Variants in PDLIM3 observed in about 807,000 individuals in gnomAD.
PDLIM3 encodes PDZ and LIM domain protein 3.
Under a neutral mutation model 37.3 loss-of-function variants are expected in PDLIM3, and 36 were observed. The ratio of observed to expected loss-of-function variants is 0.97; its 90% CI spans 0.74 to 1.28. The LOEUF (loss-of-function observed/expected upper bound fraction) is 1.28, where lower values mean the gene tolerates loss of function less well. Among genes scored for constraint, PDLIM3 ranks in the 50% most tolerant of loss-of-function variants. The probability of loss-of-function intolerance (pLI) is 0.00; values close to 1 mark genes in which losing one functional copy is unlikely to be tolerated. For missense variants in PDLIM3, 454 were observed against 485.0 expected (o/e 0.94, Z 0.60); for synonymous variants, 174 against 182.4 (o/e 0.95, Z 0.37).
intron 3 of PDLIM3, among the ~76,000 whole-genome samples, chr4:185,522,426 G>A (rs2153337665): frequency 1.5e-5 from 1 of 66,720 alleles, no homozygotes; most frequent in African/African-American, 2.7e-5. Flanking sequence ...GAAATCAGAG[G>A]CTTATGGAGA....
At chr4:185,533,770 CAT>C (rs550429273) in intron 1 of PDLIM3, among the ~76,000 whole-genome samples, 138 of 152,208 alleles carry the variant, frequency 9.1e-4, no homozygotes, top group African/African-American at 3.2e-3. Flanking sequence ...AAATTTCAAG[CAT>C]ATGATTAATT....
rs1275414218 is a variant in PDLIM3, at chr4:185,506,613, G to A, written c.702C>T (p.Tyr234=). ...TASVPPESDV[Y]RMLHDNRNEP... Reference sequence around the variant, plus strand: ...CATTCCGATTGTCGTGGAGCATCCGGTACACGTCCGACTCGGGGGGCACCG... The same window carrying A: ...CATTCCGATTGTCGTGGAGCATCCGATACACGTCCGACTCGGGGGGCACCG... Residue 234 remains tyrosine, a synonymous_variant, in exon 6 of 8, where the codon TAC becomes TAT. Coordinates refer to ENST00000284767, the MANE Select transcript of PDLIM3 (RefSeq NM_014476.6). 2.5e-6 allele frequency: 4 copies of A among 1,610,102 alleles called. No individual in the cohort carries two copies. Among genetic ancestry groups the A allele is most frequent in the Non-Finnish European group, 2.5e-6 (3 of 1,179,962 alleles).
rs776361335 is a variant in PDLIM3, at chr4:185,508,394, C to T, written c.567G>A (p.Gln189=). The change falls in exon 5 of 8, where the codon CAG becomes CAA. Residue 189 remains glutamine (Q), a synonymous_variant. Coordinates refer to ENST00000284767, the MANE Select transcript of PDLIM3 (RefSeq NM_014476.6). ...ELPGVKIVHA[Q]FNTPMQLYSD... is the part of the protein sequence containing the mutation. ...AGTACAACTGCATAGGTGTATTAAA[C>T]TGAGCATGTACAATCTTCACACCAG... The T allele has an allele frequency of 9.3e-6, 15 of 1,614,000 alleles. No homozygotes were observed. The Middle Eastern group carries it at 4.9e-4, about 53-fold the overall frequency.
At chr4:185,528,056 C>T (rs1289296167) in intron 1 of PDLIM3, among the ~76,000 whole-genome samples, 1 of 122,508 alleles carries the variant, frequency 8.2e-6, no homozygotes, top group Non-Finnish European at 1.7e-5. Flanking sequence ...CTCCTCCTCT[C>T]ACCAAAAACA....
chr4:185,532,387 T>C (rs1008169744), intron 1 of PDLIM3, among the ~76,000 whole-genome samples: 3 of 152,100 alleles, frequency 2.0e-5, no homozygotes, highest in Non-Finnish European at 4.4e-5. Context: ...GGTACAGGCA[T>C]GACATAAGGA....
rs1554037426 is a variant in PDLIM3 at position 185,504,056 on chromosome 4, C to CA, written c.905+418_905+419insT. Among the ~76,000 whole-genome samples, 3 of 151,696 alleles carry CA rather than the reference C, an allele frequency of 2.0e-5. No individual in the cohort carries two copies. The highest frequency in any genetic ancestry group is 4.4e-5 in the Non-Finnish European group (3 of 67,904). ...AGGATAATGTATTTTAAGTAACATC[C>CA]TGTTGCCTGTATTTGTTTCCCTGTG... On this transcript the variant is annotated intron_variant, in intron 7 of 7. Coordinates refer to ENST00000284767, the MANE Select transcript of PDLIM3 (RefSeq NM_014476.6). The surrounding 1 kb of genome is among the most constrained non-coding windows in gnomAD (Gnocchi z 4.7).
chr4:185,503,086 C>A (rs537390531), intron 7 of PDLIM3, among the ~76,000 whole-genome samples: 1 of 151,514 alleles, frequency 6.6e-6, no homozygotes, highest in Non-Finnish European at 1.5e-5. Flanking sequence ...AAAAATTAGC[C>A]GGGCGTGGGC....
intron 5 of PDLIM3, 117 bp from the exon 6 acceptor site, chr4:185,506,769 G>C: frequency 4.5e-6 from 4 of 887,772 alleles, no homozygotes; most frequent in Non-Finnish European, 7.1e-6. Context: ...CTGAACAGAG[G>C]TCTAGTATTT....
intron 5 of PDLIM3, chr4:185,506,885 T>C: frequency 4.1e-6 from 2 of 490,900 alleles, no homozygotes; most frequent in Non-Finnish European, 7.4e-6. Flanking sequence ...ACTCCTCCAC[T>C]TGGCAAAATA....
In PDLIM3 at chr4:185,535,498, G is replaced by A. The variant is rs1414294599; in HGVS notation, c.-64C>T. 7.0e-7 allele frequency: 1 copy of A among 1,422,932 alleles called. No homozygotes were observed. The highest frequency in any genetic ancestry group is 1.5e-5 in the African/African-American group (1 of 67,770). The allele number at this position is 1,422,932 out of a possible 1,614,324, so 88.1% of individuals were successfully genotyped here. On this transcript the variant is annotated 5_prime_UTR_variant, in exon 1 of 8. Transcript: ENST00000284767. ...GCGCAGGGCAGCCACTCCGCGCCGG[G>A]CGGCGTCCTGGCCCCGACCCGGGCG...
chr4:185,508,650 T>G, intron 4 of PDLIM3, 88 bp from the exon 5 acceptor site: 1 of 1,350,724 alleles, frequency 7.4e-7, no homozygotes, highest in Non-Finnish European at 1.1e-6. Flanking sequence ...TACAGAGAGG[T>G]TAAAAGGAAT....
intron 3 of PDLIM3, chr4:185,516,416 T>C (rs982656754): frequency 1.2e-4 from 18 of 152,232 alleles, no homozygotes; most frequent in African/African-American, 4.1e-4. Flanking sequence ...TTTCTCCTTT[T>C]CATTTCAGAT....
In PDLIM3 at chr4:185,508,544, G is replaced by T. The variant is rs200230349; in HGVS notation, c.417C>A (p.Ser139=). The change falls in exon 5 of 8, where the codon TCC becomes TCA. Residue 139 remains serine, a synonymous_variant. Coordinates refer to ENST00000284767, the MANE Select transcript of PDLIM3 (RefSeq NM_014476.6). ...TGCGTCCACTGCCACAGTCAATCCC[G>T]GAGGGAGTGCTGCATCCACTGTGTT... The part of the protein sequence containing the change: ...PGRSSGCSTP[S]GIDCGSGRST... 4 of 1,613,886 alleles carry T rather than the reference G, an allele frequency of 2.5e-6. No individual in the cohort carries two copies. In the African/African-American group the frequency reaches 4.0e-5, roughly 16 times the overall value.
chr4:185,504,561 A>C lies in PDLIM3; in HGVS notation c.819T>G (p.Ser273Arg). 1 of 1,613,714 alleles carries C rather than the reference A, an allele frequency of 6.2e-7. No individual in the cohort carries two copies. Among genetic ancestry groups the C allele is most frequent in the Non-Finnish European group, 8.5e-7 (1 of 1,179,884 alleles). Reference protein sequence around the residue: ...GSDDRPAGTRSVRAPVTKVHG... With the variant: ...GSDDRPAGTRRVRAPVTKVHG... ...GGACTTTCGTCACCGGAGCTCTCAC[A>C]CTCCGCGTTCCAGCCGGACGGTCAT... is the stretch of plus-strand genomic sequence containing the variant. Residue 273 changes from serine (S) to arginine (R), a missense_variant, in exon 7 of 8, where the codon AGT becomes AGG. Ser to Arg is a moderately radical substitution (Grantham distance 110). Coordinates refer to ENST00000284767, the MANE Select transcript of PDLIM3 (RefSeq NM_014476.6). The surrounding 1 kb of genome is among the most constrained non-coding windows in gnomAD (Gnocchi z 4.7).
At chr4:185,532,558 C>T (rs754285294) in intron 1 of PDLIM3, among the ~76,000 whole-genome samples, 8 of 152,070 alleles carry the variant, frequency 5.3e-5, no homozygotes, top group Admixed American at 4.6e-4. Flanking sequence ...TCAGGGAAAT[C>T]GTAAGTAGTC....
chr4:185,529,254 A>C (rs2095739646), intron 1 of PDLIM3, among the ~76,000 whole-genome samples: 1 of 152,212 alleles, frequency 6.6e-6, no homozygotes, highest in South Asian at 2.1e-4. Flanking sequence ...CAGGGAATTT[A>C]TGCTTTCAAC....
At position 185,502,159 on chromosome 4, in the gene PDLIM3, A is replaced by C. The variant is rs1452535072; in HGVS notation, c.*135T>G. Reference sequence around the variant, plus strand: ...CCATTCCTTTTCCTCAATAAACAATAGGATAAAGGTCTAAAGCCTTGACTT... The same window carrying C: ...CCATTCCTTTTCCTCAATAAACAATCGGATAAAGGTCTAAAGCCTTGACTT... On this transcript the variant is annotated 3_prime_UTR_variant, in exon 8 of 8. Transcript: ENST00000284767. The C allele has an allele frequency of 6.7e-6, 6 of 894,956 alleles. No homozygotes were observed. The highest frequency in any genetic ancestry group is 2.8e-5 in the South Asian group (2 of 72,368). The allele number at this position is 894,956 out of a possible 1,614,324, so 55.4% of individuals were successfully genotyped here.
chr4:185,513,383 T>G (rs142279181), intron 4 of PDLIM3: 9 of 982,476 alleles, frequency 9.2e-6, no homozygotes, highest in Middle Eastern at 5.2e-4. Context: ...ATGACAGGAG[T>G]CATAAGCTCG....
intron 4 of PDLIM3, among the ~76,000 whole-genome samples, chr4:185,511,506 A>G (rs1260826712): frequency 1.3e-5 from 2 of 152,070 alleles, no homozygotes; most frequent in African/African-American, 4.8e-5. Flanking sequence ...AATTACAGGC[A>G]TGTGCCACCA....
Sources: allele counts gnomAD v4.1 joint callset (sites outside exome capture counted in the v4.1 genomes callset), GRCh38; gene constraint gnomAD v4.1.1; non-coding constraint Gnocchi (gnomAD v3.1); transcripts MANE v1.5; gene names NCBI Gene and HGNC (gene_info 2026-07-23, HGNC 2026-07-21).